Variants in PRDM15 observed in about 807,000 individuals in gnomAD.
PRDM15 encodes PR/SET domain 15, also known as PR domain zinc finger protein 15.
In PRDM15, 64 loss-of-function variants were observed where a neutral mutation model predicts 128.6. The ratio of observed to expected loss-of-function variants is 0.50; its 90% CI spans 0.41 to 0.61. The LOEUF (loss-of-function observed/expected upper bound fraction) is 0.61. Ranked by LOEUF, PRDM15 falls within the 20% of genes least tolerant of loss-of-function variation. The pLI is 0.00. For synonymous variants in PRDM15, 615 were observed against 621.8 expected (o/e 0.99, Z 0.16); for missense variants, 1,242 against 1,569.1 (o/e 0.79, Z 3.52).
At chr21:41,826,458 C>T (rs999052712) in intron 12 of PRDM15, among the ~76,000 whole-genome samples, 1 of 152,180 alleles carries the variant, frequency 6.6e-6, no homozygotes, top group Non-Finnish European at 1.5e-5. Context: ...GTGAAATAGG[C>T]AGGCATTTTT....
intron 1 of PRDM15, among the ~76,000 whole-genome samples, chr21:41,874,217 T>C (rs1417983099): frequency 6.6e-6 from 1 of 150,734 alleles, no homozygotes; most frequent in Non-Finnish European, 1.5e-5. Context: ...TGTGCGACCC[T>C]AGAGGGCTTG....
chr21:41,819,836 C>T, intron 17 of PRDM15, 135 bp from the exon 18 acceptor site: 2 of 1,153,142 alleles, frequency 1.7e-6, no homozygotes, highest in Admixed American at 2.1e-5. Flanking sequence ...GTCGCCTCTT[C>T]AGCGGCCTCC....
At chr21:41,849,611 T>C (rs1016509805) in intron 5 of PRDM15, among the ~76,000 whole-genome samples, 4 of 151,358 alleles carry the variant, frequency 2.6e-5, no homozygotes, top group African/African-American at 9.7e-5. Flanking sequence ...TGAGTCTTAC[T>C]GAATGTAAAC....
chr21:41,806,186 C>G (rs867506257), intron 21 of PRDM15, among the ~76,000 whole-genome samples: 1 of 3,884 alleles, frequency 2.6e-4, no homozygotes, highest in Non-Finnish European at 5.4e-4. Context: ...ACCACCACCA[C>G]CATCACCACC....
At chr21:41,864,920 C>T (rs531817386) in intron 1 of PRDM15, among the ~76,000 whole-genome samples, 3 of 149,334 alleles carry the variant, frequency 2.0e-5, no homozygotes, top group East Asian at 2.0e-4. Context: ...CTTCCCGGAA[C>T]GCCAAGCTGG....
intron 6 of PRDM15, among the ~76,000 whole-genome samples, chr21:41,840,603 AAAC>A (rs1053908375): frequency 5.3e-5 from 8 of 152,102 alleles, no homozygotes; most frequent in African/African-American, 1.7e-4. Context: ...GAGCTTACCA[AAAC>A]AACAACAACA....
rs747228397 is a variant in PRDM15 at position 41,837,938 on chromosome 21, G to C, written c.997C>G (p.Pro333Ala). The C allele has an allele frequency of 5.0e-6, 8 of 1,614,190 alleles. No individual in the cohort carries two copies. Among genetic ancestry groups the C allele is most frequent in the Non-Finnish European group, 6.8e-6 (8 of 1,180,032 alleles). ...CAGGTGCCAGGCAGGACTTACTTTGGAACCGAGCTGGTGTCAGTGGTGGTG... is the reference window on the plus strand; with the variant it reads ...CAGGTGCCAGGCAGGACTTACTTTGCAACCGAGCTGGTGTCAGTGGTGGTG... ...ATTTTDTSSV[P>A]KFTHHQNNTI... The change falls in exon 8 of 24, where the codon CCA (proline) becomes GCA (alanine). Residue 333 changes from proline (P) to alanine (A), a missense_variant. Physicochemically the swap from Pro to Ala is conservative, Grantham distance 27. Around this residue, in one of 3 missense-constraint regions of PRDM15, gnomAD observed 612 missense variants for 717.0 expected, o/e 0.85. Transcript: ENST00000398548.
Position 41,810,125 on chromosome 21 carries a change from G to A in PRDM15, c.2652+29C>T, listed in dbSNP as rs781207900. 6.3e-6 allele frequency: 10 copies of A among 1,587,272 alleles called. No individual in the cohort carries two copies. Among genetic ancestry groups the A allele is most frequent in the Non-Finnish European group, 7.7e-6 (9 of 1,167,902 alleles). On this transcript the variant is annotated intron_variant, in intron 21 of 23. Coordinates refer to ENST00000398548, the MANE Select transcript of PRDM15 (RefSeq NM_001040424.3). This position sits in a 1 kb window ranked among gnomAD's most constrained non-coding sequence, Gnocchi z 6.4. The stretch of plus-strand genomic sequence containing the variant: ...GTCCGGTGCGCGGCCCGCTGGCGGG[G>A]CACGGAGGGGGCACAGCCACCAGCT...
At chr21:41,804,984 T>C (rs1186244540) in intron 21 of PRDM15, among the ~76,000 whole-genome samples, 3 of 152,230 alleles carry the variant, frequency 2.0e-5, no homozygotes, top group African/African-American at 7.2e-5. Flanking sequence ...TAGAGTAAAC[T>C]TGTTCTATGA....
intron 4 of PRDM15, among the ~76,000 whole-genome samples, chr21:41,855,975 T>C (rs1476482236): frequency 2.5e-4 from 1 of 3,988 alleles, no homozygotes; most frequent in Non-Finnish European, 4.7e-4. Flanking sequence ...CCTTCCTTCC[T>C]TTCCTTCCCT....
At chr21:41,818,368 C>T (rs945241226) in intron 18 of PRDM15, among the ~76,000 whole-genome samples, 1 of 152,220 alleles carries the variant, frequency 6.6e-6, no homozygotes, top group African/African-American at 2.4e-5. Context: ...CGAGGACCGG[C>T]TGGGGTTTGA....
rs149030733 is a variant in PRDM15, at chr21:41,809,973, C to T, written c.2652+181G>A. Among the ~76,000 whole-genome samples, 488 of 152,342 alleles carry T rather than the reference C, an allele frequency of 3.2e-3. 6 individuals are homozygous for T. The highest frequency in any genetic ancestry group is 0.022 in the East Asian group (116 of 5,190). ...TCCGCCTGAGGCTCTCCTAACCTCT[C>T]GCAGCCACTCACTCAGTGCCTCCTG... is the stretch of plus-strand genomic sequence containing the variant. On this transcript the variant is annotated intron_variant, in intron 21 of 23. Transcript: ENST00000398548.
At chr21:41,873,952 G>A (rs933010203) in intron 1 of PRDM15, among the ~76,000 whole-genome samples, 1 of 151,886 alleles carries the variant, frequency 6.6e-6, no homozygotes, top group African/African-American at 2.4e-5. Context: ...AGGCTGAGGT[G>A]GGAAGATTGC....
intron 5 of PRDM15, among the ~76,000 whole-genome samples, chr21:41,852,836 G>A (rs2063471655): frequency 6.6e-6 from 1 of 152,210 alleles, no homozygotes. Context: ...TACCACCTTT[G>A]GGAGAGGATG....
chr21:41,849,247 G>T (rs765851383), intron 5 of PRDM15, among the ~76,000 whole-genome samples: 51 of 152,222 alleles, frequency 3.4e-4, no homozygotes, highest in Non-Finnish European at 5.9e-4. Flanking sequence ...CAGCTGTGGT[G>T]GTGCTTATAC....
intron 22 of PRDM15, among the ~76,000 whole-genome samples, chr21:41,803,819 A>G (rs1457371737): frequency 6.6e-6 from 1 of 152,228 alleles, no homozygotes; most frequent in Non-Finnish European, 1.5e-5. Context: ...TAGACCACTG[A>G]GAGCATGGCA....
chr21:41,802,995 A>G, intron 22 of PRDM15, 74 bp from the exon 23 acceptor site: 13 of 1,112,376 alleles, frequency 1.2e-5, no homozygotes, highest in Non-Finnish European at 1.6e-5. Context: ...CAGCCCCAGC[A>G]CTGCCCTGGA....
rs2062253972 is a variant in PRDM15, at chr21:41,821,300, C to T, written c.1897-70G>A. 1.3e-6 allele frequency: 2 copies of T among 1,581,278 alleles called. No homozygotes were observed. Among genetic ancestry groups the T allele is most frequent in the African/African-American group, 1.3e-5 (1 of 74,318 alleles). On this transcript the variant is annotated intron_variant, in intron 15 of 23. Coordinates refer to ENST00000398548, the MANE Select transcript of PRDM15 (RefSeq NM_001040424.3). This position sits in a 1 kb window ranked among gnomAD's most constrained non-coding sequence, Gnocchi z 5.4. ...CCCTGGTCCTCTTAGCTAATGAGGT[C>T]GTGTCCACAAACCAGGGCACCCGAC...
At position 41,804,611 on chromosome 21, in the gene PRDM15, G is replaced by A. The variant is rs1005958000; in HGVS notation, c.2656C>T (p.Leu886Phe). Residue 886 changes from leucine (L) to phenylalanine (F), a missense_variant, in exon 22 of 24, where the codon CTC (leucine) becomes TTC (phenylalanine). Leu to Phe is a conservative substitution (Grantham distance 22). Around this residue, in one of 3 missense-constraint regions of PRDM15, gnomAD observed 602 missense variants for 788.3 expected, o/e 0.76. Coordinates refer to ENST00000398548, the MANE Select transcript of PRDM15 (RefSeq NM_001040424.3). ...TCCAGGTCATCGATCCTCACCGCGA[G>A]CACCTATGAGGAGCACAGGGCATGA... ...RHMRRKHPEV[L>F]AVRIDDLDHL... is the part of the protein sequence containing the mutation. 1.9e-6 allele frequency: 3 copies of A among 1,559,096 alleles called. No individual in the cohort carries two copies. Among genetic ancestry groups the A allele is most frequent in the Non-Finnish European group, 1.7e-6 (2 of 1,151,670 alleles).
Sources: allele counts gnomAD v4.1 joint callset (sites outside exome capture counted in the v4.1 genomes callset), GRCh38; gene constraint gnomAD v4.1.1; regional missense constraint gnomAD v4.1.1; non-coding constraint Gnocchi (gnomAD v3.1); transcripts MANE v1.5; gene names NCBI Gene and HGNC (gene_info 2026-07-23, HGNC 2026-07-21).